UNC13C: variants seen among roughly 807,000 people sequenced by gnomAD.
UNC13C encodes protein unc-13 homolog C.
Under a neutral mutation model 245.4 loss-of-function variants are expected in UNC13C, and 174 were observed. The observed-to-expected ratio is 0.71, with a 90% CI of 0.63 to 0.80. The LOEUF is 0.80. Among genes scored for constraint, UNC13C ranks in the 30% least tolerant of loss-of-function variants. The probability of loss-of-function intolerance (pLI) is 0.00; values close to 1 mark genes in which losing one functional copy is unlikely to be tolerated. For synonymous variants in UNC13C, 992 were observed against 895.1 expected, an observed-to-expected ratio of 1.11 and a Z score of -1.93; for missense variants, 2,829 against 2,602.9, an observed-to-expected ratio of 1.09 and a Z score of -1.89.
intron 2 of UNC13C, among the ~76,000 whole-genome samples, 198 bp downstream of exon 2, chr15:54,016,084 A>G (rs1025315279): frequency 5.3e-5 from 8 of 152,208 alleles, no homozygotes; most frequent in Non-Finnish European, 8.8e-5. Flanking sequence ...ATCAAAGAAT[A>G]TGTTAAATGG....
At chr15:54,060,430 A>T (rs556054908) in intron 2 of UNC13C, among the ~76,000 whole-genome samples, 13 of 152,196 alleles carry the variant, frequency 8.5e-5, no homozygotes, top group Non-Finnish European at 1.6e-4. Context: ...ACCATCTCAC[A>T]CCAGTTAGAA....
intron 32 of UNC13C, 113 bp from the exon 33 acceptor site, chr15:54,626,715 C>T (rs1901183745): frequency 2.0e-6 from 2 of 985,626 alleles, no homozygotes; most frequent in East Asian, 5.3e-5. Context: ...ATCCTATTTG[C>T]CAACATAATA....
chr15:54,047,293 A>T (rs150294635), intron 2 of UNC13C, among the ~76,000 whole-genome samples: 67 of 152,156 alleles, frequency 4.4e-4, no homozygotes, highest in African/African-American at 1.5e-3. Flanking sequence ...AACCACGTTT[A>T]TGGGTACAAT....
chr15:54,437,768 T>C (rs1890301557), intron 19 of UNC13C, among the ~76,000 whole-genome samples: 1 of 151,918 alleles, frequency 6.6e-6, no homozygotes, highest in South Asian at 2.1e-4. Flanking sequence ...TTTGAACCCA[T>C]ATATGCAGAG....
chr15:54,022,872 C>T (rs1035130361), intron 2 of UNC13C, among the ~76,000 whole-genome samples: 3 of 152,146 alleles, frequency 2.0e-5, no homozygotes, highest in Non-Finnish European at 4.4e-5. Flanking sequence ...GCTAGGGACA[C>T]TACTTCTTGC....
chr15:54,264,768 C>T (rs1371906866), intron 9 of UNC13C, among the ~76,000 whole-genome samples: 1 of 151,780 alleles, frequency 6.6e-6, no homozygotes, highest in South Asian at 2.1e-4. Context: ...ACTCCTGGCT[C>T]AACATCCCTC....
chr15:53,854,707 A>G, the UNC13C span, among the ~76,000 whole-genome samples: 4 of 152,144 alleles, frequency 2.6e-5, no homozygotes, highest in Non-Finnish European at 5.9e-5. Context: ...GCCTTGTGAT[A>G]TAGTTCGAAG....
intron 30 of UNC13C, among the ~76,000 whole-genome samples, chr15:54,617,745 C>G (rs1005816875): frequency 2.0e-5 from 3 of 152,082 alleles, no homozygotes; most frequent in African/African-American, 7.2e-5. Context: ...TATTCATCAT[C>G]TACCATCTTG....
chr15:54,599,147 A>C (rs1899258623), intron 30 of UNC13C, among the ~76,000 whole-genome samples: 1 of 152,070 alleles, frequency 6.6e-6, no homozygotes, highest in Non-Finnish European at 1.5e-5. Flanking sequence ...CATCATTCCC[A>C]TCTGGTCACA....
At chr15:54,031,816 A>G (rs1191734125) in intron 2 of UNC13C, among the ~76,000 whole-genome samples, 1 of 152,244 alleles carries the variant, frequency 6.6e-6, no homozygotes, top group Non-Finnish European at 1.5e-5. Flanking sequence ...AAGCATAATT[A>G]TAGTCAAGTA....
intron 30 of UNC13C, among the ~76,000 whole-genome samples, chr15:54,607,535 T>A (rs1899833273): frequency 6.6e-6 from 1 of 152,156 alleles, no homozygotes. Context: ...TTTTATTTTT[T>A]AAATGTTTCA....
chr15:54,341,080 T>G (rs1216861046), intron 17 of UNC13C, among the ~76,000 whole-genome samples: 2 of 152,200 alleles, frequency 1.3e-5, no homozygotes, highest in African/African-American at 4.8e-5. Context: ...AGAACTACCA[T>G]TTGACCTAGC....
At chr15:54,163,548 C>A (rs2033055480) in intron 4 of UNC13C, among the ~76,000 whole-genome samples, 1 of 151,880 alleles carries the variant, frequency 6.6e-6, no homozygotes, top group Non-Finnish European at 1.5e-5. Context: ...TTTGGAACAC[C>A]CACTGTACTT....
chr15:54,252,780 A>C (rs1016888974), intron 8 of UNC13C, among the ~76,000 whole-genome samples: 2 of 152,178 alleles, frequency 1.3e-5, no homozygotes, highest in Non-Finnish European at 2.9e-5. Context: ...GCCCCCTTTA[A>C]ATGTAAGACA....
At chr15:53,964,339 T>C in the UNC13C span, among the ~76,000 whole-genome samples, 7,142 of 152,246 alleles carry the variant, frequency 0.047, 272 homozygotes, top group African/African-American at 0.1. Context: ...TCTCCCTAAA[T>C]CCTGAATACT....
chr15:54,249,821 G>A (rs1055820969), intron 7 of UNC13C, among the ~76,000 whole-genome samples: 2 of 152,178 alleles, frequency 1.3e-5, no homozygotes, highest in Non-Finnish European at 2.9e-5. Context: ...CCTTGGGGCT[G>A]AGGAGGGGTG....
intron 28 of UNC13C, among the ~76,000 whole-genome samples, chr15:54,552,613 TA>T (rs1392303336): frequency 2.4e-5 from 2 of 82,030 alleles, no homozygotes; most frequent in South Asian, 3.8e-4. Context: ...TATAATTATA[TA>T]ATTATATTAT....
At chr15:54,074,265 G>T (rs1898480595) in intron 2 of UNC13C, among the ~76,000 whole-genome samples, 1 of 152,176 alleles carries the variant, frequency 6.6e-6, no homozygotes, top group Non-Finnish European at 1.5e-5. Context: ...CTACCATGCT[G>T]TTTTGGTTAC....
intron 10 of UNC13C, among the ~76,000 whole-genome samples, chr15:54,289,494 A>G (rs2037236184): frequency 6.6e-6 from 1 of 152,026 alleles, no homozygotes; most frequent in Admixed American, 6.6e-5. Flanking sequence ...AGTCAGTTCT[A>G]TGTTTTTAGA....
Sources: allele counts gnomAD v4.1 joint callset (sites outside exome capture counted in the v4.1 genomes callset), GRCh38; gene constraint gnomAD v4.1.1; transcripts MANE v1.5; gene names NCBI Gene and HGNC (gene_info 2026-07-23, HGNC 2026-07-21).